The following ASTN2 variants were observed in gnomAD, a reference collection of about 807,000 sequenced individuals.
The protein encoded by ASTN2 is astrotactin-2.
A neutral mutation model predicts 139.8 loss-of-function variants in ASTN2; 54 were observed. The observed-to-expected ratio is 0.39, with a 90% CI of 0.31 to 0.48. The LOEUF (loss-of-function observed/expected upper bound fraction) is 0.48. Among genes scored for constraint, ASTN2 ranks in the 20% least tolerant of loss-of-function variants. The pLI is 0.95. For synonymous variants in ASTN2, 756 were observed against 719.5 expected (o/e 1.05, Z -0.81); for missense variants, 1,565 against 1,725.1 (o/e 0.91, Z 1.64).
intron 1 of ASTN2, among the ~76,000 whole-genome samples, chr9:117,413,780 GCT>G (rs1831241053): frequency 6.6e-6 from 1 of 152,190 alleles, no homozygotes; most frequent in African/African-American, 2.4e-5. Flanking sequence ...GGACAAACCG[GCT>G]CTCTGCCTGG....
chr9:117,066,628 AC>A (rs1021822010), intron 5 of ASTN2, among the ~76,000 whole-genome samples: 1 of 149,288 alleles, frequency 6.7e-6, no homozygotes, highest in Non-Finnish European at 1.5e-5. Flanking sequence ...AGTTTACAGT[AC>A]CACCAACAGT....
chr9:117,043,907 C>CAAAA (rs10713427), intron 5 of ASTN2, among the ~76,000 whole-genome samples: 63 of 119,312 alleles, frequency 5.3e-4, no homozygotes, highest in African/African-American at 1.6e-3. Context: ...GACTCTGTCT[C>CAAAA]AAAAAAAAAA....
chr9:117,384,118 G>A (rs1250172927), intron 1 of ASTN2, among the ~76,000 whole-genome samples: 2 of 152,114 alleles, frequency 1.3e-5, no homozygotes, highest in African/African-American at 4.8e-5. Flanking sequence ...TGGGCGGTGG[G>A]ACTGAGCTGC....
chr9:116,632,256 A>AGAAAGAAAGAAAGAAAGAAG (rs1856838730), intron 17 of ASTN2, among the ~76,000 whole-genome samples: 13 of 103,138 alleles, frequency 1.3e-4, no homozygotes, highest in African/African-American at 5.9e-4. Context: ...AAAGAAGGAA[A>AGAAAGAAAGAAAGAAAGAAG]GAAAGAAAGA....
chr9:116,517,002 C>T (rs568114312), intron 19 of ASTN2, among the ~76,000 whole-genome samples: 1 of 152,280 alleles, frequency 6.6e-6, no homozygotes, highest in Non-Finnish European at 1.5e-5. Context: ...CATGCTTATC[C>T]CTGCCCCCAC....
At chr9:116,930,016 G>C (rs1437253781) in intron 10 of ASTN2, among the ~76,000 whole-genome samples, 1 of 152,184 alleles carries the variant, frequency 6.6e-6, no homozygotes, top group Non-Finnish European at 1.5e-5. Context: ...TGGGAAGGAT[G>C]CTTGCTGGAG....
At chr9:117,261,128 T>C (rs572377914) in intron 2 of ASTN2, among the ~76,000 whole-genome samples, 39 of 152,300 alleles carry the variant, frequency 2.6e-4, no homozygotes, top group African/African-American at 9.4e-4. Flanking sequence ...CACAATGAAT[T>C]CCCTGCTTTC....
Position 117,404,839 on chromosome 9 carries a change from A to T in ASTN2, c.442+9658T>A, listed in dbSNP as rs76143483. Among the ~76,000 whole-genome samples the T allele has an allele frequency of 5.2e-3, 784 of 152,198 alleles. 9 individuals carry two copies. Among genetic ancestry groups the T allele is most frequent in the African/African-American group, 0.018 (768 of 41,516 alleles). On this transcript the variant is annotated intron_variant, in intron 1 of 22. Transcript: ENST00000313400. ...GACAACTCTCTAAGAGTTGGGAGGAAGGAAGAAAAGGGGGAAAAAAAAGAA... is the reference window on the plus strand; with the variant it reads ...GACAACTCTCTAAGAGTTGGGAGGATGGAAGAAAAGGGGGAAAAAAAAGAA...
intron 6 of ASTN2, among the ~76,000 whole-genome samples, chr9:117,031,236 C>A (rs73657622): frequency 0.041 from 6,212 of 152,206 alleles, 201 homozygotes; most frequent in South Asian, 0.16. Flanking sequence ...ACCTCCTGCA[C>A]TGTCATTCTT....
At chr9:116,838,273 C>T (rs1017438103) in intron 11 of ASTN2, among the ~76,000 whole-genome samples, 6 of 151,778 alleles carry the variant, frequency 4.0e-5, no homozygotes, top group Admixed American at 2.0e-4. Flanking sequence ...ACACGCCTGG[C>T]TAATTCTGTA....
intron 1 of ASTN2, among the ~76,000 whole-genome samples, chr9:117,316,547 A>C (rs1828150234): frequency 6.6e-6 from 1 of 152,144 alleles, no homozygotes; most frequent in Admixed American, 6.5e-5. Flanking sequence ...GGTACTATAT[A>C]TAAGTGACCA....
Position 116,423,198 on chromosome 9 carries a change from T to C in ASTN2, c.*2653A>G, listed in dbSNP as rs1847230799. Among the ~76,000 whole-genome samples, 1 of 152,152 alleles carries C rather than the reference T, an allele frequency of 6.6e-6. No individual in the cohort carries two copies. The highest frequency in any genetic ancestry group is 1.5e-5 in the Non-Finnish European group (1 of 68,036). ...CTGGATGTCTGCCCAAGACTCACAG[T>C]ATTATGCATATTGTCTCCATCAGGA... On this transcript the variant is annotated 3_prime_UTR_variant, in exon 23 of 23. Coordinates refer to ENST00000313400, the MANE Select transcript of ASTN2 (RefSeq NM_001365068.1).
intron 19 of ASTN2, among the ~76,000 whole-genome samples, chr9:116,598,764 A>T (rs1179913965): frequency 6.6e-6 from 1 of 152,206 alleles, no homozygotes; most frequent in African/African-American, 2.4e-5. Flanking sequence ...ACCAGACTTT[A>T]TGCTAGGAGA....
chr9:116,486,825 CA>C (rs1229674188), intron 20 of ASTN2, among the ~76,000 whole-genome samples: 1 of 151,982 alleles, frequency 6.6e-6, no homozygotes, highest in Non-Finnish European at 1.5e-5. Flanking sequence ...GCAGTGACTC[CA>C]ATGAACTCTA....
chr9:116,457,182 AC>A (rs1848357738), intron 20 of ASTN2, among the ~76,000 whole-genome samples: 1 of 152,190 alleles, frequency 6.6e-6, no homozygotes, highest in Non-Finnish European at 1.5e-5. Context: ...GCTATCTTTT[AC>A]CATATGCAAA....
intron 5 of ASTN2, among the ~76,000 whole-genome samples, chr9:117,084,392 C>G (rs1242658401): frequency 6.6e-6 from 1 of 152,110 alleles, no homozygotes; most frequent in Admixed American, 6.5e-5. Flanking sequence ...TTACGGTAAG[C>G]AAAAATGAGC....
At chr9:117,104,210 A>C (rs897445218) in intron 4 of ASTN2, among the ~76,000 whole-genome samples, 1 of 152,214 alleles carries the variant, frequency 6.6e-6, no homozygotes, top group Non-Finnish European at 1.5e-5. Flanking sequence ...AAATATAGCT[A>C]AACCTGATTG....
At chr9:117,018,462 C>T (rs1490132187) in intron 6 of ASTN2, among the ~76,000 whole-genome samples, 7 of 152,076 alleles carry the variant, frequency 4.6e-5, no homozygotes, top group African/African-American at 7.2e-5. Context: ...ACTGTGGGTT[C>T]GATGCCAACT....
At chr9:116,900,602 G>T (rs576224429) in intron 10 of ASTN2, among the ~76,000 whole-genome samples, 14 of 152,294 alleles carry the variant, frequency 9.2e-5, no homozygotes, top group African/African-American at 3.4e-4. Context: ...ATGATCTAAA[G>T]TAAGAAGTCA....
Sources: gnomAD v4.1 joint callset for allele counts (sites outside exome capture counted in the v4.1 genomes callset) on GRCh38, gnomAD v4.1.1 for gene constraint, MANE v1.5 for transcripts, NCBI Gene and HGNC (gene_info 2026-07-23, HGNC 2026-07-21) for gene names.